Variants in GRM5 observed in about 807,000 individuals in gnomAD.
GRM5 encodes the protein glutamate metabotropic receptor 5, also known as metabotropic glutamate receptor 5.
GRM5 carries 19 observed loss-of-function variants against 83.1 expected under a neutral mutation model. The observed-to-expected ratio is 0.23, with a 90% CI of 0.16 to 0.34. The LOEUF (loss-of-function observed/expected upper bound fraction) is 0.34. GRM5 is among the 10% of genes least tolerant of loss of function. The pLI is 1.00. For missense variants in GRM5, 1,160 were observed against 1,588.3 expected, an observed-to-expected ratio of 0.73 and a Z score of 4.58; for synonymous variants, 675 against 633.6, an observed-to-expected ratio of 1.07 and a Z score of -0.98.
intron 2 of GRM5, among the ~76,000 whole-genome samples, chr11:88,949,464 T>C (rs1938385951): frequency 6.6e-6 from 1 of 152,234 alleles, no homozygotes; most frequent in South Asian, 2.1e-4. Flanking sequence ...ACTAAATATT[T>C]GTTAAGTGAA....
At chr11:88,854,882 T>C (rs560509482) in intron 2 of GRM5, among the ~76,000 whole-genome samples, 9 of 152,000 alleles carry the variant, frequency 5.9e-5, no homozygotes, top group Non-Finnish European at 1.0e-4. Flanking sequence ...AATCATACTT[T>C]AGTAAGTAAT....
At chr11:88,863,018 A>G (rs575497248) in intron 2 of GRM5, among the ~76,000 whole-genome samples, 2 of 152,326 alleles carry the variant, frequency 1.3e-5, no homozygotes, top group South Asian at 2.1e-4. Flanking sequence ...AAAAAGCTCA[A>G]CATCACTGAT....
At chr11:88,966,661 G>A (rs946887170) in intron 2 of GRM5, among the ~76,000 whole-genome samples, 10 of 152,124 alleles carry the variant, frequency 6.6e-5, no homozygotes, top group Admixed American at 1.3e-4. Context: ...ACTGGATCAT[G>A]AAGAACCATA....
At chr11:88,843,639 C>A (rs1400853624) in intron 3 of GRM5, among the ~76,000 whole-genome samples, 1 of 152,158 alleles carries the variant, frequency 6.6e-6, no homozygotes, top group Non-Finnish European at 1.5e-5. Flanking sequence ...AATTGTAAGT[C>A]TCTAACTTTA....
intron 2 of GRM5, among the ~76,000 whole-genome samples, chr11:89,029,312 A>C (rs1231441420): frequency 6.6e-6 from 1 of 152,230 alleles, no homozygotes; most frequent in Non-Finnish European, 1.5e-5. Flanking sequence ...TTATTCTGTC[A>C]GTATAATATT....
chr11:88,687,501 TACAC>T (rs1231774121), intron 3 of GRM5, among the ~76,000 whole-genome samples: 4 of 47,772 alleles, frequency 8.4e-5, no homozygotes, highest in Admixed American at 3.7e-4. Flanking sequence ...AAACAAAAAA[TACAC>T]ACACACACAC....
At chr11:88,586,706 C>G (rs1423152673) in intron 7 of GRM5, among the ~76,000 whole-genome samples, 1 of 152,140 alleles carries the variant, frequency 6.6e-6, no homozygotes, top group Non-Finnish European at 1.5e-5. Flanking sequence ...CAGCTATAGG[C>G]TCTTTGGAAA....
rs187787626 is a variant in GRM5, at chr11:88,928,976, G to A, written c.662-78821C>T. Among the ~76,000 whole-genome samples, 20 of 150,936 alleles carry A rather than the reference G, an allele frequency of 1.3e-4. No individual in the cohort carries two copies. In the East Asian group the frequency reaches 3.3e-3, roughly 25 times the overall value. ...AGTTTATTTCTTTGGTACTTTGGCT[G>A]CTGAATATGAGATTTAGTTTTAGAC... On this transcript the variant is annotated intron_variant, in intron 2 of 9. Coordinates refer to ENST00000305447, the MANE Select transcript of GRM5 (RefSeq NM_001143831.3).
chr11:88,522,603 CTGTGTGTGTGTGTGTGTG>C (rs55777647), intron 9 of GRM5, among the ~76,000 whole-genome samples: 1 of 127,218 alleles, frequency 7.9e-6, no homozygotes, highest in African/African-American at 2.8e-5. Flanking sequence ...CTCTCTCTCT[CTGTGTGTGTGTGTGTGTG>C]TGTGTGTGTG....
intron 7 of GRM5, among the ~76,000 whole-genome samples, chr11:88,576,984 A>T (rs75742294): frequency 0.039 from 5,884 of 152,178 alleles, 307 homozygotes; most frequent in East Asian, 0.14. Context: ...ACTAAAAAGC[A>T]CTTTCCTACT....
intron 2 of GRM5, among the ~76,000 whole-genome samples, chr11:88,987,328 A>G (rs1939759633): frequency 6.6e-6 from 1 of 152,110 alleles, no homozygotes; most frequent in African/African-American, 2.4e-5. Flanking sequence ...ACACCACGAG[A>G]TTATATCCCC....
intron 1 of GRM5, among the ~76,000 whole-genome samples, chr11:89,057,507 A>C (rs1479897591): frequency 6.6e-6 from 1 of 152,208 alleles, no homozygotes; most frequent in Non-Finnish European, 1.5e-5. Context: ...TTATCCATTA[A>C]TTAAAAAGTT....
chr11:88,862,537 C>T (rs1323966675), intron 2 of GRM5, among the ~76,000 whole-genome samples: 1 of 151,930 alleles, frequency 6.6e-6, no homozygotes, highest in Admixed American at 6.6e-5. Context: ...TTCTATGGTG[C>T]CAATAGTTGC....
chr11:88,983,725 A>C lies in GRM5; in HGVS notation c.661+63487T>G, dbSNP rs191287441. On this transcript the variant is annotated intron_variant, in intron 2 of 9. Transcript: ENST00000305447. Reference sequence around the variant, plus strand: ...GAATATACTCCTTCTGCTTGTGAAAAAAGTTACCTGTAAAACAGCCCCAGG... The same window carrying C: ...GAATATACTCCTTCTGCTTGTGAAACAAGTTACCTGTAAAACAGCCCCAGG... 2.2e-4 allele frequency among the ~76,000 whole-genome samples: 33 copies of C among 152,146 alleles called. No individual in the cohort carries two copies. In the East Asian group the frequency reaches 6.4e-3, roughly 29 times the overall value.
At chr11:88,707,836 A>G (rs986648061) in intron 3 of GRM5, among the ~76,000 whole-genome samples, 1 of 152,124 alleles carries the variant, frequency 6.6e-6, no homozygotes, top group Non-Finnish European at 1.5e-5. Context: ...ATATCATTAA[A>G]ACCATATGCT....
At chr11:88,764,718 G>A (rs1942594474) in intron 3 of GRM5, among the ~76,000 whole-genome samples, 1 of 151,386 alleles carries the variant, frequency 6.6e-6, no homozygotes, top group Non-Finnish European at 1.5e-5. Context: ...TGCCAAGGAG[G>A]AAATTTATAG....
At chr11:88,693,380 G>T (rs1011183568) in intron 3 of GRM5, among the ~76,000 whole-genome samples, 1 of 152,160 alleles carries the variant, frequency 6.6e-6, no homozygotes, top group African/African-American at 2.4e-5. Context: ...ATTTCTGACT[G>T]GGGGCCTGGG....
intron 3 of GRM5, among the ~76,000 whole-genome samples, chr11:88,775,264 T>TTTCTGTGG (rs1317712953): frequency 1.3e-5 from 2 of 150,138 alleles, no homozygotes; most frequent in Non-Finnish European, 1.5e-5. Context: ...GTAGTTTGTA[T>TTTCTGTGG]TTCTGTGGGA....
intron 3 of GRM5, among the ~76,000 whole-genome samples, chr11:88,786,960 C>A (rs1404810118): frequency 6.6e-6 from 1 of 151,970 alleles, no homozygotes; most frequent in Non-Finnish European, 1.5e-5. Flanking sequence ...ATTCAGAATA[C>A]ACAGTAAGTT....
Sources: gnomAD v4.1 joint callset for allele counts (sites outside exome capture counted in the v4.1 genomes callset) on GRCh38, gnomAD v4.1.1 for gene constraint, MANE v1.5 for transcripts, NCBI Gene and HGNC (gene_info 2026-07-23, HGNC 2026-07-21) for gene names.